ZNF385D: variants seen among roughly 807,000 people sequenced by gnomAD.
ZNF385D encodes zinc finger protein 659.
A neutral mutation model predicts 35.8 loss-of-function variants in ZNF385D; 15 were observed. That is an observed-to-expected ratio of 0.42 (90% CI 0.28 to 0.64). The LOEUF is 0.64. ZNF385D is among the 30% of genes least tolerant of loss of function. The probability of loss-of-function intolerance (pLI) is 0.23; values close to 1 mark genes in which losing one functional copy is unlikely to be tolerated. For synonymous variants in ZNF385D, 212 were observed against 186.8 expected (o/e 1.13, Z -1.10); for missense variants, 474 against 494.6 (o/e 0.96, Z 0.39).
intron 2 of ZNF385D, among the ~76,000 whole-genome samples, chr3:22,216,298 G>T (rs950703911): frequency 1.6e-4 from 24 of 152,096 alleles, no homozygotes; most frequent in African/African-American, 5.8e-4. Flanking sequence ...TAAATATTCA[G>T]TTTACAGCTT....
rs866705323 is a variant in ZNF385D at position 21,587,221 on chromosome 3, C to T, written c.166-22537G>A. ...AAGGAGCATTCAACTCAAATGTATA[C>T]ATAAGAAAGTTTGTATTTTAGAAAA... is the stretch of plus-strand genomic sequence containing the variant. On this transcript the variant is annotated intron_variant, in intron 2 of 7. Transcript: ENST00000281523. Among the ~76,000 whole-genome samples, 6 of 151,994 alleles carry T rather than the reference C, an allele frequency of 3.9e-5. No homozygotes were observed. The East Asian group carries it at 7.7e-4, about 20-fold the overall frequency.
chr3:21,931,946 G>A (rs758248914), intron 3 of ZNF385D, among the ~76,000 whole-genome samples: 1 of 151,810 alleles, frequency 6.6e-6, no homozygotes, highest in Non-Finnish European at 1.5e-5. Flanking sequence ...CAGATCACGA[G>A]GTCATGAGAT....
chr3:21,783,654 C>T (rs2071577763), intron 3 of ZNF385D, among the ~76,000 whole-genome samples: 1 of 152,042 alleles, frequency 6.6e-6, no homozygotes, highest in African/African-American at 2.4e-5. Flanking sequence ...GTCCTTGTTC[C>T]CACCATGTCT....
intron 3 of ZNF385D, among the ~76,000 whole-genome samples, chr3:22,030,400 T>C (rs572695929): frequency 6.8e-6 from 1 of 147,332 alleles, no homozygotes; most frequent in African/African-American, 2.5e-5. Flanking sequence ...CTTACAATCA[T>C]GGTGAAAGTC....
At chr3:21,816,678 TAA>T (rs1415608551) in intron 3 of ZNF385D, among the ~76,000 whole-genome samples, 2 of 151,928 alleles carry the variant, frequency 1.3e-5, no homozygotes, top group African/African-American at 2.4e-5. Flanking sequence ...CTCAATGAAA[TAA>T]AAGAGAACAC....
intron 4 of ZNF385D, among the ~76,000 whole-genome samples, chr3:21,499,809 A>G (rs1488203804): frequency 2.0e-5 from 3 of 152,168 alleles, no homozygotes; most frequent in Admixed American, 6.5e-5. Flanking sequence ...AATATAAAAT[A>G]TTGTTAAGGC....
chr3:21,432,369 C>G (rs1477024885), intron 5 of ZNF385D, among the ~76,000 whole-genome samples: 1 of 152,074 alleles, frequency 6.6e-6, no homozygotes, highest in Non-Finnish European at 1.5e-5. Flanking sequence ...ACTATCTTTT[C>G]TGCATATTGA....
intron 2 of ZNF385D, among the ~76,000 whole-genome samples, chr3:22,327,717 T>C (rs2125455106): frequency 6.6e-6 from 1 of 152,206 alleles, no homozygotes; most frequent in Admixed American, 6.5e-5. Context: ...ATGAAGAGGG[T>C]GATGTGTATT....
intron 3 of ZNF385D, among the ~76,000 whole-genome samples, chr3:21,552,363 C>A (rs2062597839): frequency 6.6e-6 from 1 of 152,046 alleles, no homozygotes; most frequent in Admixed American, 6.6e-5. Context: ...CATGGCTGGT[C>A]AATAAGTAAA....
chr3:21,756,133 G>T (rs75144729), upstream of ZNF385D, among the ~76,000 whole-genome samples: 1 of 152,152 alleles, frequency 6.6e-6, no homozygotes, highest in East Asian at 1.9e-4. Flanking sequence ...AAGCGAGCAA[G>T]GACAGATGTA....
At chr3:22,233,208 A>C (rs893225885) in intron 2 of ZNF385D, among the ~76,000 whole-genome samples, 1 of 152,164 alleles carries the variant, frequency 6.6e-6, no homozygotes, top group Non-Finnish European at 1.5e-5. Context: ...TTATTTCACT[A>C]ATAAAATTGT....
At chr3:21,869,341 T>C (rs1358417579) in intron 3 of ZNF385D, among the ~76,000 whole-genome samples, 1 of 152,118 alleles carries the variant, frequency 6.6e-6, no homozygotes, top group African/African-American at 2.4e-5. Flanking sequence ...AAATAAGTTT[T>C]TGTAGCAGTA....
At chr3:21,806,314 A>G (rs977861015) in intron 3 of ZNF385D, among the ~76,000 whole-genome samples, 3 of 150,884 alleles carry the variant, frequency 2.0e-5, no homozygotes, top group Non-Finnish European at 4.4e-5. Flanking sequence ...ACGCCATTCT[A>G]CTGCCTCAGT....
chr3:22,076,128 C>A (rs1281400812), intron 3 of ZNF385D, among the ~76,000 whole-genome samples: 1 of 151,934 alleles, frequency 6.6e-6, no homozygotes, highest in African/African-American at 2.4e-5. Context: ...AATTTGCCTC[C>A]TTTTCATTCC....
intron 3 of ZNF385D, among the ~76,000 whole-genome samples, chr3:21,936,390 C>G (rs930305972): frequency 1.9e-5 from 2 of 106,562 alleles, no homozygotes; most frequent in Non-Finnish European, 4.7e-5. Flanking sequence ...AGATGTGTAA[C>G]AATTTTTTTT....
chr3:22,244,860 A>G (rs533385241), intron 2 of ZNF385D, among the ~76,000 whole-genome samples: 1 of 142,878 alleles, frequency 7.0e-6, no homozygotes, highest in South Asian at 2.5e-4. Flanking sequence ...TTGGGCTGGC[A>G]TGTACCCAGT....
At chr3:21,433,150 T>C (rs991900750) in intron 5 of ZNF385D, among the ~76,000 whole-genome samples, 1 of 152,126 alleles carries the variant, frequency 6.6e-6, no homozygotes. Flanking sequence ...AATTTAACTC[T>C]TATCACTTCT....
chr3:21,790,636 C>T (rs906577610), intron 3 of ZNF385D, among the ~76,000 whole-genome samples: 2 of 152,092 alleles, frequency 1.3e-5, no homozygotes, highest in Non-Finnish European at 2.9e-5. Flanking sequence ...CTGGGTATTA[C>T]ATTTGCAGAT....
At position 21,564,560 on chromosome 3, in the gene ZNF385D, A is replaced by AATG; in HGVS notation, c.276+11_276+13dup. 7.5e-6 allele frequency: 11 copies of AATG among 1,474,510 alleles called. No individual in the cohort carries two copies. Among genetic ancestry groups the AATG allele is most frequent in the Non-Finnish European group, 1.0e-5 (11 of 1,096,414 alleles). The allele number at this position is 1,474,510 out of a possible 1,614,324, so 91.3% of individuals were successfully genotyped here. On this transcript the variant is annotated intron_variant, in intron 3 of 7. Transcript: ENST00000281523. ...ATTTTTTTTTTTTAAGTGAACACTA[A>AATG]ATGATAAACTTACATCAGAATTAAA...
Sources: gnomAD v4.1 joint callset for allele counts (sites outside exome capture counted in the v4.1 genomes callset) on GRCh38, gnomAD v4.1.1 for gene constraint, MANE v1.5 for transcripts, NCBI Gene and HGNC (gene_info 2026-07-23, HGNC 2026-07-21) for gene names.